LMO7: variants seen among roughly 807,000 people sequenced by gnomAD.
LMO7 encodes the protein LIM domain only protein 7.
In LMO7, 120 loss-of-function variants were observed where a neutral mutation model predicts 206.5. The ratio of observed to expected loss-of-function variants is 0.58; its 90% CI spans 0.50 to 0.68. LMO7 has a LOEUF of 0.68. LMO7 is among the 30% of genes least tolerant of loss of function. LMO7 has a pLI of 0.00. For missense variants in LMO7, 1,959 were observed against 1,957.9 expected, an observed-to-expected ratio of 1.00 and a Z score of -0.01; for synonymous variants, 706 against 681.5, an observed-to-expected ratio of 1.04 and a Z score of -0.56.
At chr13:75,692,046 C>T (rs1301065537) in intron 1 of LMO7, among the ~76,000 whole-genome samples, 1 of 152,208 alleles carries the variant, frequency 6.6e-6, no homozygotes, top group Non-Finnish European at 1.5e-5. Flanking sequence ...TCTTACCTTG[C>T]AGCTTCAACT....
chr13:75,735,514 A>AG (rs1311776626), intron 3 of LMO7, among the ~76,000 whole-genome samples: 5 of 152,180 alleles, frequency 3.3e-5, no homozygotes, highest in Non-Finnish European at 5.9e-5. Flanking sequence ...TGGGCTGGAG[A>AG]GCAGTGGGGT....
chr13:75,650,588 G>A (rs889716921), intron 1 of LMO7, among the ~76,000 whole-genome samples: 2 of 152,190 alleles, frequency 1.3e-5, no homozygotes, highest in Admixed American at 6.5e-5. Flanking sequence ...AAAATTTCCT[G>A]TGTATTGCAC....
intron 7 of LMO7, among the ~76,000 whole-genome samples, chr13:75,801,545 T>G (rs929557933): frequency 2.6e-5 from 4 of 152,234 alleles, no homozygotes; most frequent in Non-Finnish European, 4.4e-5. Flanking sequence ...GAACCTTCTT[T>G]CAAAATCCCA....
intron 4 of LMO7, among the ~76,000 whole-genome samples, chr13:75,767,923 G>T (rs945794535): frequency 3.3e-5 from 5 of 152,000 alleles, no homozygotes; most frequent in African/African-American, 1.2e-4. Context: ...ATTATTTATT[G>T]CTTGCTCTGT....
chr13:75,781,166 G>A (rs1263537437), intron 4 of LMO7, among the ~76,000 whole-genome samples: 1 of 120,232 alleles, frequency 8.3e-6, no homozygotes, highest in African/African-American at 3.2e-5. Flanking sequence ...TAGGGTACAT[G>A]TGCACATTGT....
At chr13:75,776,162 G>GATATATACATATATAT (rs2050386564) in intron 4 of LMO7, among the ~76,000 whole-genome samples, 1 of 36,830 alleles carries the variant, frequency 2.7e-5, no homozygotes, top group Admixed American at 3.5e-4. Flanking sequence ...ATATATATCG[G>GATATATACATATATAT]ATATATATAT....
chr13:75,717,295 G>A (rs1165556912), intron 2 of LMO7, among the ~76,000 whole-genome samples: 4 of 150,766 alleles, frequency 2.7e-5, no homozygotes, highest in East Asian at 2.0e-4. Context: ...CCTGGGAGGC[G>A]GAGCTTGCAG....
chr13:75,645,349 A>G (rs1048664388), intron 1 of LMO7, among the ~76,000 whole-genome samples: 1 of 152,090 alleles, frequency 6.6e-6, no homozygotes, highest in Non-Finnish European at 1.5e-5. Context: ...GAAATATCTG[A>G]GTTATTTTGT....
At chr13:75,702,364 G>A (rs73225945) in intron 1 of LMO7, among the ~76,000 whole-genome samples, 1 of 152,100 alleles carries the variant, frequency 6.6e-6, no homozygotes, top group Admixed American at 6.5e-5. Context: ...AGGCAGAAGG[G>A]TAGGAGAAAT....
At chr13:75,712,263 T>C (rs9565188) in intron 1 of LMO7, among the ~76,000 whole-genome samples, 7,006 of 151,642 alleles carry the variant, frequency 0.046, 289 homozygotes, top group African/African-American at 0.1. Flanking sequence ...AAGTGGCAGG[T>C]GGAGCAGGGA....
intron 2 of LMO7, among the ~76,000 whole-genome samples, chr13:75,623,511 A>T (rs9544007): frequency 0.15 from 22,133 of 151,570 alleles, 1,777 homozygotes; most frequent in Middle Eastern, 0.3. Flanking sequence ...TTACAGGTGT[A>T]TGCCACCATA....
intron 15 of LMO7, among the ~76,000 whole-genome samples, chr13:75,832,716 G>A (rs750913155): frequency 6.6e-6 from 1 of 152,092 alleles, no homozygotes; most frequent in Non-Finnish European, 1.5e-5. Flanking sequence ...TTATTCCTGG[G>A]CAGTGAATAA....
intron 14 of LMO7, among the ~76,000 whole-genome samples, chr13:75,822,762 CTATATATATATATATATATATATA>C (rs66789925): frequency 3.1e-4 from 34 of 108,444 alleles, no homozygotes; most frequent in African/African-American, 5.5e-4. Flanking sequence ...TTTTTAGAAA[CTATATATATATATATATATATATA>C]TATATATATA....
At chr13:75,784,650 T>C (rs1419258141) in intron 4 of LMO7, among the ~76,000 whole-genome samples, 3 of 152,162 alleles carry the variant, frequency 2.0e-5, no homozygotes, top group Admixed American at 6.5e-5. Flanking sequence ...TTACATCAGC[T>C]TATGCTTTAC....
At chr13:75,723,589 T>C (rs2044215452) in intron 2 of LMO7, among the ~76,000 whole-genome samples, 1 of 152,204 alleles carries the variant, frequency 6.6e-6, no homozygotes, top group Admixed American at 6.5e-5. Flanking sequence ...CACTAAAGCT[T>C]TTATAACTGA....
intron 1 of LMO7, among the ~76,000 whole-genome samples, chr13:75,696,180 C>A (rs1201605064): frequency 1.3e-5 from 2 of 152,104 alleles, no homozygotes; most frequent in Non-Finnish European, 1.5e-5. Flanking sequence ...TGTGGTGAAA[C>A]CCTGTCTCTA....
chr13:75,815,060 G>T (rs2138120239), intron 11 of LMO7, among the ~76,000 whole-genome samples: 1 of 152,222 alleles, frequency 6.6e-6, no homozygotes, highest in East Asian at 1.9e-4. Context: ...GCTGAGTAGA[G>T]GTATACCATG....
chr13:75,762,666 G>C (rs1344835345), intron 4 of LMO7, among the ~76,000 whole-genome samples: 1 of 152,126 alleles, frequency 6.6e-6, no homozygotes, highest in Non-Finnish European at 1.5e-5. Context: ...CTGAAACTGC[G>C]AGGTCACGTA....
At chr13:75,681,718 G>GTATGTATATATATATA (rs1555293391) in intron 1 of LMO7, among the ~76,000 whole-genome samples, 56 of 104,548 alleles carry the variant, frequency 5.4e-4, no homozygotes, top group Non-Finnish European at 8.1e-4. Flanking sequence ...ATATATATAT[G>GTATGTATATATATATA]TATATATATA....
Sources: allele counts gnomAD v4.1 joint callset (sites outside exome capture counted in the v4.1 genomes callset), GRCh38; gene constraint gnomAD v4.1.1; transcripts MANE v1.5; gene names NCBI Gene and HGNC (gene_info 2026-07-23, HGNC 2026-07-21).